The following GDI2 variants were observed in gnomAD, a reference collection of about 807,000 sequenced individuals.
The protein encoded by GDI2 is rab GDP dissociation inhibitor beta.
In GDI2, 22 loss-of-function variants were observed where a neutral mutation model predicts 54.2. The observed-to-expected ratio is 0.41, with a 90% confidence interval of 0.29 to 0.58. The LOEUF (loss-of-function observed/expected upper bound fraction) is 0.58. Ranked by LOEUF, GDI2 falls within the 20% of genes least tolerant of loss-of-function variation. GDI2 has a pLI of 0.35. For missense variants in GDI2, 422 were observed against 546.0 expected (o/e 0.77, Z 2.26); for synonymous variants, 177 against 182.1 (o/e 0.97, Z 0.23).
chr10:5,777,108 T>C (rs1304332555), intron 6 of GDI2, among the ~76,000 whole-genome samples: 1 of 152,220 alleles, frequency 6.6e-6, no homozygotes, highest in Non-Finnish European at 1.5e-5. Context: ...TTTCTCCAGA[T>C]ACAAACCAAA....
chr10:5,785,276 G>A lies in GDI2; in HGVS notation c.588-3C>T. On this transcript the variant is annotated splice_region_variant and splice_polypyrimidine_tract_variant and intron_variant, in intron 5 of 10. Coordinates refer to ENST00000380191, the MANE Select transcript of GDI2 (RefSeq NM_001494.4). ...CATAACACGGTTGATCTAAGTAACT[G>A]GAAGAAAGGAAATGAGTATTAGGAA... The A allele has an allele frequency of 1.3e-6, 2 of 1,581,914 alleles. No homozygotes were observed. Among genetic ancestry groups the A allele is most frequent in the Non-Finnish European group, 1.7e-6 (2 of 1,155,750 alleles).
In GDI2 at chr10:5,794,185, AAAAATATATATAT is replaced by A. The variant is rs1276148721; in HGVS notation, c.388+687_388+699del. On this transcript the variant is annotated intron_variant, in intron 4 of 10. Coordinates refer to ENST00000380191, the MANE Select transcript of GDI2 (RefSeq NM_001494.4). ...CTGTCTTTAAAAGAAAAAAAAAAAA[AAAAATATATATAT>A]ATATATATATATATATATATATATA... Among the ~76,000 whole-genome samples the A allele has an allele frequency of 1.7e-4, 8 of 46,866 alleles. No individual in the cohort carries two copies. In the East Asian group the frequency reaches 4.3e-3, roughly 25 times the overall value. 30.7% of individuals were successfully genotyped at this position (46,866 alleles called of 152,430 possible).
chr10:5,807,085 G>A (rs1301978673), intron 1 of GDI2, among the ~76,000 whole-genome samples: 4 of 152,078 alleles, frequency 2.6e-5, no homozygotes, highest in Non-Finnish European at 5.9e-5. Flanking sequence ...AAATCTGCAG[G>A]CCCACTAGTT....
intron 8 of GDI2, among the ~76,000 whole-genome samples, chr10:5,767,670 G>A (rs1840387388): frequency 6.6e-6 from 1 of 152,100 alleles, no homozygotes. Context: ...CCCTTTTTAA[G>A]CTGAATTTTA....
chr10:5,797,340 T>C (rs992872996), intron 2 of GDI2, among the ~76,000 whole-genome samples: 9 of 151,092 alleles, frequency 6.0e-5, no homozygotes, highest in African/African-American at 9.7e-5. Context: ...AGGTCAGGAG[T>C]ACAAGAAAAG....
chr10:5,799,404 C>T (rs1588985432), intron 2 of GDI2, among the ~76,000 whole-genome samples: 1 of 152,308 alleles, frequency 6.6e-6, no homozygotes, highest in Middle Eastern at 3.4e-3. Flanking sequence ...GTAATCCCAG[C>T]AGTTTGGGAG....
In GDI2 at chr10:5,796,758, T is replaced by C; in HGVS notation, c.253+5A>G. ...TGTCATAAATTTAAGTTAGAAATTC[T>C]TTACCATTAGCCATAAGGAACTTGG... is the stretch of plus-strand genomic sequence containing the variant. On this transcript the variant is annotated splice_donor_5th_base_variant and intron_variant, in intron 3 of 10. Coordinates refer to ENST00000380191, the MANE Select transcript of GDI2 (RefSeq NM_001494.4). 2 of 1,329,186 alleles carry C rather than the reference T, an allele frequency of 1.5e-6. No individual in the cohort carries two copies. The highest frequency in any genetic ancestry group is 1.1e-6 in the Non-Finnish European group (1 of 922,690). The allele number at this position is 1,329,186 out of a possible 1,614,324, so 82.3% of individuals were successfully genotyped here.
chr10:5,768,100 A>G lies in GDI2; in HGVS notation c.991+113T>C, dbSNP rs941741508. The G allele has an allele frequency of 1.8e-4, 154 of 840,616 alleles. No homozygotes were observed. The African/African-American group carries it at 2.3e-3, about 12-fold the overall frequency. The allele number at this position is 840,616 out of a possible 1,614,324, so 52.1% of individuals were successfully genotyped here. Reference sequence around the variant, plus strand: ...ACAAAGATTTTTTTCCCCCATATGTAAACCAAGGTCTGTTCACTAATACAG... The same window carrying G: ...ACAAAGATTTTTTTCCCCCATATGTGAACCAAGGTCTGTTCACTAATACAG... On this transcript the variant is annotated intron_variant, in intron 8 of 10. Coordinates refer to ENST00000380191, the MANE Select transcript of GDI2 (RefSeq NM_001494.4). This position sits in a 1 kb window ranked among gnomAD's most constrained non-coding sequence, Gnocchi z 4.4.
intron 7 of GDI2, among the ~76,000 whole-genome samples, chr10:5,772,610 A>G (rs1281666739): frequency 6.6e-6 from 1 of 152,112 alleles, no homozygotes; most frequent in Non-Finnish European, 1.5e-5. Context: ...TACATAAATT[A>G]GCCAGGCATG....
chr10:5,782,860 G>C lies in GDI2; in HGVS notation c.719+2282C>G, dbSNP rs185488275. 6.0e-3 allele frequency among the ~76,000 whole-genome samples: 920 copies of C among 152,280 alleles called. 6 individuals carry two copies. Among genetic ancestry groups the C allele is most frequent in the Non-Finnish European group, 0.011 (725 of 68,026 alleles). ...AGGCAGGAGAATCACTGGAACCCAGGGGGTGGAGGTTGCAGTGAGCTGAGA... is the reference window on the plus strand; with the variant it reads ...AGGCAGGAGAATCACTGGAACCCAGCGGGTGGAGGTTGCAGTGAGCTGAGA... On this transcript the variant is annotated intron_variant, in intron 6 of 10. Coordinates refer to ENST00000380191, the MANE Select transcript of GDI2 (RefSeq NM_001494.4).
Position 5,768,544 on chromosome 10 carries a change from A to G in GDI2, c.820-160T>C, listed in dbSNP as rs1042544689. 13 of 597,956 alleles carry G rather than the reference A, an allele frequency of 2.2e-5. No homozygotes were observed. In the South Asian group the frequency reaches 2.3e-4, roughly 11 times the overall value. 37.0% of individuals were successfully genotyped at this position (597,956 alleles called of 1,614,324 possible). A position where few individuals can be genotyped will look rare whatever the true frequency, so the allele number is the denominator to read the frequency against. ...ATTGAATTCTGGAACAACCAAAACA[A>G]TCTTAAAAGAAGAACAGCAAAGCTG... On this transcript the variant is annotated intron_variant, in intron 7 of 10. Transcript: ENST00000380191. This position sits in a 1 kb window ranked among gnomAD's most constrained non-coding sequence, Gnocchi z 4.4.
intron 1 of GDI2, chr10:5,811,961 A>T (rs756477835): frequency 7.8e-5 from 13 of 167,264 alleles, no homozygotes; most frequent in East Asian, 4.8e-4. Context: ...TGTTACCTGT[A>T]AAAAAAAAAA....
At chr10:5,797,448 G>A (rs1246971197) in intron 2 of GDI2, among the ~76,000 whole-genome samples, 3 of 151,240 alleles carry the variant, frequency 2.0e-5, no homozygotes, top group Non-Finnish European at 4.4e-5. Flanking sequence ...GGGAGGCTGA[G>A]GCAGGAGAAT....
At chr10:5,779,437 G>C (rs1362856789) in intron 6 of GDI2, among the ~76,000 whole-genome samples, 3 of 151,880 alleles carry the variant, frequency 2.0e-5, no homozygotes, top group Non-Finnish European at 2.9e-5. Flanking sequence ...GAACCCGGGA[G>C]GCAGAGGTTG....
intron 6 of GDI2, among the ~76,000 whole-genome samples, chr10:5,782,470 T>C (rs1840780572): frequency 6.6e-6 from 1 of 152,142 alleles, no homozygotes; most frequent in Admixed American, 6.5e-5. Flanking sequence ...ACTCCCAGTA[T>C]TTACCCAAAA....
At chr10:5,771,016 C>A (rs911585704) in intron 7 of GDI2, among the ~76,000 whole-genome samples, 235 of 113,238 alleles carry the variant, frequency 2.1e-3, no homozygotes, top group Middle Eastern at 5.3e-3. Flanking sequence ...TACTTTATCA[C>A]AAAAAAAAAA....
Position 5,766,435 on chromosome 10 carries a change from G to T in GDI2, c.1136+59C>A. ...CTTGCCCTCACATTCGTCCCACCAT[G>T]GAGCCACAATCAAAGGCCTCAGTTT... On this transcript the variant is annotated intron_variant, in intron 9 of 10. Coordinates refer to ENST00000380191, the MANE Select transcript of GDI2 (RefSeq NM_001494.4). This position sits in a 1 kb window ranked among gnomAD's most constrained non-coding sequence, Gnocchi z 5.8. 3.1e-6 allele frequency: 5 copies of T among 1,589,620 alleles called. No homozygotes were observed. Among genetic ancestry groups the T allele is most frequent in the Non-Finnish European group, 4.3e-6 (5 of 1,158,762 alleles).
chr10:5,770,537 G>A (rs1384360177), intron 7 of GDI2, among the ~76,000 whole-genome samples: 3 of 151,978 alleles, frequency 2.0e-5, no homozygotes, highest in African/African-American at 7.3e-5. Context: ...ACTCCAGCTT[G>A]GGCGACAGAG....
chr10:5,766,208 C>T lies in GDI2; in HGVS notation c.1191+33G>A. ...CATGGAGGGATGTCTTCCAGTGAAA[C>T]CTGCCCATATCCTTTCACACTTCCA... On this transcript the variant is annotated intron_variant, in intron 10 of 10. Transcript: ENST00000380191. The surrounding 1 kb of genome is among the most constrained non-coding windows in gnomAD (Gnocchi z 5.8). The T allele has an allele frequency of 6.2e-7, 1 of 1,611,076 alleles. No individual in the cohort carries two copies. The highest frequency in any genetic ancestry group is 1.1e-5 in the South Asian group (1 of 91,016).
Sources: gnomAD v4.1 joint callset for allele counts (sites outside exome capture counted in the v4.1 genomes callset) on GRCh38, gnomAD v4.1.1 for gene constraint, Gnocchi (gnomAD v3.1) non-coding constraint, MANE v1.5 for transcripts, NCBI Gene and HGNC (gene_info 2026-07-23, HGNC 2026-07-21) for gene names.